TRAPPC12: variants seen among roughly 807,000 people sequenced by gnomAD.
The protein encoded by TRAPPC12 is TPR repeat protein 15.
A neutral mutation model predicts 69.2 loss-of-function variants in TRAPPC12; 61 were observed. That is an observed-to-expected ratio of 0.88 (90% CI 0.72 to 1.09). The LOEUF (loss-of-function observed/expected upper bound fraction) is 1.09, where lower values mean the gene tolerates loss of function less well. Among genes scored for constraint, TRAPPC12 ranks in the 50% least tolerant of loss-of-function variants. The probability of loss-of-function intolerance (pLI) is 0.00; values close to 1 mark genes in which losing one functional copy is unlikely to be tolerated. For missense variants in TRAPPC12, 1,101 were observed against 1,016.4 expected (o/e 1.08, Z -1.13); for synonymous variants, 469 against 438.9 (o/e 1.07, Z -0.86).
chr2:3,432,966 G>T (rs560797450), intron 5 of TRAPPC12, among the ~76,000 whole-genome samples: 2 of 152,340 alleles, frequency 1.3e-5, no homozygotes, highest in African/African-American at 4.8e-5. Flanking sequence ...CAGGGCTTTA[G>T]TTAAGCAAAT....
At chr2:3,445,672 C>T (rs1664469513) in intron 6 of TRAPPC12, among the ~76,000 whole-genome samples, 1 of 152,244 alleles carries the variant, frequency 6.6e-6, no homozygotes, top group African/African-American at 2.4e-5. Flanking sequence ...GGTTAGGTAA[C>T]TTAGGATCAC....
intron 2 of TRAPPC12, among the ~76,000 whole-genome samples, chr2:3,395,744 T>C (rs1162904385): frequency 6.6e-6 from 1 of 150,654 alleles, no homozygotes; most frequent in East Asian, 2.0e-4. Flanking sequence ...TTTTTTTTTT[T>C]CTTGAGACAC....
At chr2:3,475,542 T>C (rs374979519) in intron 9 of TRAPPC12, among the ~76,000 whole-genome samples, 2 of 151,952 alleles carry the variant, frequency 1.3e-5, no homozygotes, top group East Asian at 3.8e-4. Context: ...GGATTTTGTA[T>C]CCTAATTACA....
At chr2:3,409,967 C>T (rs938532249) in intron 3 of TRAPPC12, among the ~76,000 whole-genome samples, 1 of 152,138 alleles carries the variant, frequency 6.6e-6, no homozygotes, top group Non-Finnish European at 1.5e-5. Context: ...CCGTGTCCCC[C>T]AGCAGGTCTG....
Position 3,457,972 on chromosome 2 carries a change from G to A in TRAPPC12, c.1603+279G>A. The A allele has an allele frequency of 2.3e-6, 3 of 1,306,824 alleles. No individual in the cohort carries two copies. The South Asian group carries it at 5.8e-5, about 25-fold the overall frequency. The allele number at this position is 1,306,824 out of a possible 1,614,324, so 81.0% of individuals were successfully genotyped here. A position where few individuals can be genotyped will look rare whatever the true frequency, so the allele number is the denominator to read the frequency against. Reference sequence around the variant, plus strand: ...CGGCCCGGAACCTGCCACGCTGAGTGGTCTGAGTGGGCGCGAGGAAGGAGC... The same window carrying A: ...CGGCCCGGAACCTGCCACGCTGAGTAGTCTGAGTGGGCGCGAGGAAGGAGC... On this transcript the variant is annotated intron_variant, in intron 7 of 11. Coordinates refer to ENST00000324266, the MANE Select transcript of TRAPPC12 (RefSeq NM_016030.6).
chr2:3,382,605 C>A (rs751654151), intron 1 of TRAPPC12, among the ~76,000 whole-genome samples: 2 of 152,148 alleles, frequency 1.3e-5, no homozygotes, highest in African/African-American at 4.8e-5. Context: ...AACCAAGACT[C>A]CTTTAAGAGT....
intron 1 of TRAPPC12, among the ~76,000 whole-genome samples, chr2:3,385,678 G>T (rs749831504): frequency 1.2e-4 from 19 of 152,234 alleles, no homozygotes; most frequent in Admixed American, 2.6e-4. Flanking sequence ...CTAGAATTTT[G>T]TTAGGGCTGA....
chr2:3,400,070 C>T (rs188434371), intron 2 of TRAPPC12, among the ~76,000 whole-genome samples: 3 of 152,332 alleles, frequency 2.0e-5, no homozygotes, highest in African/African-American at 4.8e-5. Context: ...TCTGCTCACC[C>T]GAGAGACTGC....
intron 5 of TRAPPC12, among the ~76,000 whole-genome samples, chr2:3,439,992 G>A (rs1664108461): frequency 6.6e-6 from 1 of 151,818 alleles, no homozygotes; most frequent in South Asian, 2.1e-4. Flanking sequence ...AGATCAAACT[G>A]ACTATATTTG....
chr2:3,396,271 A>T (rs796174532), intron 2 of TRAPPC12, among the ~76,000 whole-genome samples: 17 of 151,756 alleles, frequency 1.1e-4, no homozygotes, highest in African/African-American at 3.9e-4. Flanking sequence ...ACCTTGTAAG[A>T]TGCCATCCCA....
chr2:3,464,019 G>C (rs979004717), intron 8 of TRAPPC12, among the ~76,000 whole-genome samples: 2 of 152,110 alleles, frequency 1.3e-5, no homozygotes, highest in African/African-American at 4.8e-5. Context: ...AGGGTGTGCA[G>C]GCCCCACAGC....
At position 3,477,950 on chromosome 2, in the gene TRAPPC12, G is replaced by A. The variant is rs1666367854; in HGVS notation, c.1877+155G>A. The A allele has an allele frequency of 6.4e-6, 3 of 471,526 alleles. No homozygotes were observed. In the Admixed American group the frequency reaches 1.2e-4, roughly 18 times the overall value. 29.2% of individuals were successfully genotyped at this position (471,526 alleles called of 1,614,324 possible). ...GAGCGGAGACCCAAGGAGTATACAGGTGTTTTCTTGAATCGCAGTGATGTT... is the reference window on the plus strand; with the variant it reads ...GAGCGGAGACCCAAGGAGTATACAGATGTTTTCTTGAATCGCAGTGATGTT... On this transcript the variant is annotated intron_variant, in intron 10 of 11. Transcript: ENST00000324266.
At chr2:3,384,240 T>C (rs1380559453) in intron 1 of TRAPPC12, among the ~76,000 whole-genome samples, 1 of 152,198 alleles carries the variant, frequency 6.6e-6, no homozygotes, top group Non-Finnish European at 1.5e-5. Flanking sequence ...GTATTCTACA[T>C]AAATAATCAT....
chr2:3,423,403 CTG>C (rs778866847), intron 4 of TRAPPC12, among the ~76,000 whole-genome samples: 3 of 151,790 alleles, frequency 2.0e-5, no homozygotes, highest in Non-Finnish European at 4.4e-5. Context: ...TACATTGTAA[CTG>C]TGTCACCACG....
intron 6 of TRAPPC12, among the ~76,000 whole-genome samples, chr2:3,448,763 G>GAGGGTAGGGCGTGGCGAGCAGC (rs1664686612): frequency 1.4e-5 from 2 of 147,270 alleles, no homozygotes; most frequent in African/African-American, 2.6e-5. Flanking sequence ...AGCCGGTTAC[G>GAGGGTAGGGCGTGGCGAGCAGC]CGGTTACACG....
At chr2:3,409,416 C>A (rs894501405) in intron 3 of TRAPPC12, among the ~76,000 whole-genome samples, 1 of 152,126 alleles carries the variant, frequency 6.6e-6, no homozygotes, top group Admixed American at 6.5e-5. Flanking sequence ...GTTTTCTTCT[C>A]TTTTTTTCCT....
chr2:3,454,937 A>T (rs1665058222), intron 6 of TRAPPC12: 1 of 152,436 alleles, frequency 6.6e-6, no homozygotes, highest in Admixed American at 6.5e-5. Flanking sequence ...ACCCACAGAG[A>T]CCTCGCCGCA....
intron 2 of TRAPPC12, among the ~76,000 whole-genome samples, chr2:3,396,539 T>C (rs1661145112): frequency 6.6e-6 from 1 of 152,184 alleles, no homozygotes; most frequent in South Asian, 2.1e-4. Flanking sequence ...AGGTATTTTC[T>C]GTGTTTTTTC....
In TRAPPC12 at chr2:3,414,953, C is replaced by A. The variant is rs1479355213; in HGVS notation, c.1165-6928C>A. On this transcript the variant is annotated intron_variant, in intron 3 of 11. Transcript: ENST00000324266. This position sits in a 1 kb window ranked among gnomAD's most constrained non-coding sequence, Gnocchi z 4.9. ...AAACACAGTGAGGTATGCACAGCAA[C>A]CTTTCAGCTGTGGTTGGTTGAATCC... 6.6e-6 allele frequency among the ~76,000 whole-genome samples: 1 copy of A among 152,166 alleles called. No individual in the cohort carries two copies. Among genetic ancestry groups the A allele is most frequent in the East Asian group, 1.9e-4 (1 of 5,180 alleles).
Sources: allele counts gnomAD v4.1 joint callset (sites outside exome capture counted in the v4.1 genomes callset), GRCh38; gene constraint gnomAD v4.1.1; non-coding constraint Gnocchi (gnomAD v3.1); transcripts MANE v1.5; gene names NCBI Gene and HGNC (gene_info 2026-07-23, HGNC 2026-07-21).